DYNC1I1: variants seen among roughly 807,000 people sequenced by gnomAD.
The protein encoded by DYNC1I1 is cytoplasmic dynein 1 intermediate chain 1.
DYNC1I1 carries 43 observed loss-of-function variants against 86.6 expected under a neutral mutation model. The ratio of observed to expected loss-of-function variants is 0.50; its 90% CI spans 0.39 to 0.64. DYNC1I1 has a LOEUF of 0.64. DYNC1I1 is among the 30% of genes least tolerant of loss of function. The pLI is 0.00. For synonymous variants in DYNC1I1, 262 were observed against 283.7 expected (o/e 0.92, Z 0.77); for missense variants, 604 against 788.8 (o/e 0.77, Z 2.81).
At chr7:96,054,012 G>A (rs1353454416) in intron 14 of DYNC1I1, among the ~76,000 whole-genome samples, 1 of 152,112 alleles carries the variant, frequency 6.6e-6, no homozygotes, top group East Asian at 1.9e-4. Context: ...GGATACATGT[G>A]CAGAATATGC....
At chr7:96,065,378 C>CTTTTTTTTTTTTT (rs34423655) in intron 14 of DYNC1I1, among the ~76,000 whole-genome samples, 2 of 127,582 alleles carry the variant, frequency 1.6e-5, no homozygotes, top group African/African-American at 3.0e-5. Flanking sequence ...TTCTTTCTTT[C>CTTTTTTTTTTTTT]TTTTTTTTTT....
chr7:96,021,857 A>G (rs755818050), intron 10 of DYNC1I1, among the ~76,000 whole-genome samples: 13 of 152,210 alleles, frequency 8.5e-5, no homozygotes, highest in Non-Finnish European at 1.6e-4. Context: ...TTTTATTGCC[A>G]AACATTCCAT....
At chr7:95,802,589 A>T (rs185562898) in intron 1 of DYNC1I1, 1 of 152,280 alleles carries the variant, frequency 6.6e-6, no homozygotes, top group East Asian at 1.9e-4. Context: ...AATAGAACTC[A>T]ATTTTCTGTT....
At chr7:95,870,501 T>C (rs1039453089) in intron 6 of DYNC1I1, among the ~76,000 whole-genome samples, 1 of 152,244 alleles carries the variant, frequency 6.6e-6, no homozygotes, top group Non-Finnish European at 1.5e-5. Context: ...AAAGAGACCT[T>C]ATGGCTCACA....
At chr7:95,869,586 T>C (rs1790107309) in intron 5 of DYNC1I1, among the ~76,000 whole-genome samples, 1 of 152,136 alleles carries the variant, frequency 6.6e-6, no homozygotes, top group Non-Finnish European at 1.5e-5. Context: ...TTTAACTGAG[T>C]AGAATCTGGG....
intron 6 of DYNC1I1, among the ~76,000 whole-genome samples, chr7:95,968,807 G>T (rs564117204): frequency 1.4e-4 from 20 of 146,222 alleles, no homozygotes; most frequent in African/African-American, 5.0e-4. Flanking sequence ...ATCTTCAATT[G>T]TTCTGAATTT....
chr7:95,888,988 T>G (rs2116258671), intron 6 of DYNC1I1, among the ~76,000 whole-genome samples: 1 of 152,280 alleles, frequency 6.6e-6, no homozygotes, highest in African/African-American at 2.4e-5. Flanking sequence ...TTTCAAGGAA[T>G]GAGAAATGCT....
At chr7:95,833,401 T>C (rs934767589) in intron 5 of DYNC1I1, among the ~76,000 whole-genome samples, 7 of 149,796 alleles carry the variant, frequency 4.7e-5, no homozygotes, top group Non-Finnish European at 8.9e-5. Flanking sequence ...AGTCAGGTAG[T>C]GTGATGCCTC....
intron 8 of DYNC1I1, among the ~76,000 whole-genome samples, chr7:95,985,748 T>A (rs1793574014): frequency 1.3e-5 from 2 of 152,112 alleles, no homozygotes; most frequent in South Asian, 4.2e-4. Flanking sequence ...AAAATCCAAA[T>A]ACATTCTTAA....
intron 5 of DYNC1I1, among the ~76,000 whole-genome samples, chr7:95,842,322 G>A (rs891813783): frequency 1.3e-5 from 2 of 152,140 alleles, no homozygotes; most frequent in Non-Finnish European, 2.9e-5. Context: ...AGGAAGGGGA[G>A]GGGTCTAGTT....
chr7:96,080,265 G>A (rs1437739704), intron 15 of DYNC1I1, 98 bp from the exon 16 acceptor site: 6 of 1,440,088 alleles, frequency 4.2e-6, no homozygotes, highest in Non-Finnish European at 5.5e-6. Flanking sequence ...GCACATGAAG[G>A]CAGTTGGTGA....
intron 9 of DYNC1I1, among the ~76,000 whole-genome samples, chr7:95,993,784 AG>A (rs1793789789): frequency 6.6e-6 from 1 of 152,244 alleles, no homozygotes; most frequent in South Asian, 2.1e-4. Flanking sequence ...TAGAAAAAAA[AG>A]ATCTGTGTTC....
chr7:95,814,245 G>A (rs1487643079), intron 4 of DYNC1I1, among the ~76,000 whole-genome samples: 2 of 152,110 alleles, frequency 1.3e-5, no homozygotes, highest in Admixed American at 1.3e-4. Context: ...AGATATTCAG[G>A]TGATAATCTC....
intron 5 of DYNC1I1, among the ~76,000 whole-genome samples, chr7:95,859,434 G>A (rs1037372310): frequency 6.6e-6 from 1 of 152,168 alleles, no homozygotes; most frequent in African/African-American, 2.4e-5. Flanking sequence ...GGATATACAT[G>A]CTTATTCCAG....
chr7:96,087,985 G>C (rs920102214), intron 16 of DYNC1I1, among the ~76,000 whole-genome samples: 2 of 151,734 alleles, frequency 1.3e-5, no homozygotes, highest in Non-Finnish European at 2.9e-5. Context: ...ATTTCTTCTG[G>C]GAAAAGTGCT....
intron 16 of DYNC1I1, among the ~76,000 whole-genome samples, chr7:96,104,342 T>C (rs778956634): frequency 1.3e-5 from 2 of 152,180 alleles, no homozygotes; most frequent in Non-Finnish European, 2.9e-5. Flanking sequence ...TTCCTTAATA[T>C]AATATTTTGA....
At chr7:96,041,883 A>T (rs998738944) in intron 14 of DYNC1I1, among the ~76,000 whole-genome samples, 1 of 152,168 alleles carries the variant, frequency 6.6e-6, no homozygotes, top group Non-Finnish European at 1.5e-5. Flanking sequence ...TTTTGGAACC[A>T]TGTAAATATT....
chr7:95,804,260 A>G, intron 1 of DYNC1I1: 1 of 637,000 alleles, frequency 1.6e-6, no homozygotes, highest in Non-Finnish European at 2.1e-6. Flanking sequence ...ATGTTTATTG[A>G]GTCCATAGAA....
intron 1 of DYNC1I1, among the ~76,000 whole-genome samples, chr7:95,792,582 A>G (rs972027510): frequency 1.3e-5 from 2 of 152,176 alleles, no homozygotes; most frequent in Non-Finnish European, 2.9e-5. Flanking sequence ...GAAGCCTACT[A>G]CGAAAGCATT....
Sources: allele counts gnomAD v4.1 joint callset (sites outside exome capture counted in the v4.1 genomes callset), GRCh38; gene constraint gnomAD v4.1.1; transcripts MANE v1.5; gene names NCBI Gene and HGNC (gene_info 2026-07-23, HGNC 2026-07-21).